Variants in PAPPA observed in about 807,000 individuals in gnomAD.
PAPPA encodes pappalysin 1, also known as pappalysin-1.
PAPPA carries 60 observed loss-of-function variants against 164.0 expected under a neutral mutation model. That is an observed-to-expected ratio of 0.37 (90% CI 0.30 to 0.45). The LOEUF (loss-of-function observed/expected upper bound fraction) is 0.45. Ranked by LOEUF, PAPPA falls within the 20% of genes least tolerant of loss-of-function variation. The pLI is 1.00. For missense variants in PAPPA, 1,782 were observed against 2,087.3 expected (o/e 0.85, Z 2.85); for synonymous variants, 875 against 814.1 (o/e 1.07, Z -1.27).
At chr9:116,370,372 AAGAGAAGGTGAAG>A in intron 19 of PAPPA, among the ~76,000 whole-genome samples, 1 of 152,208 alleles carries the variant, frequency 6.6e-6, no homozygotes, top group East Asian at 1.9e-4. Flanking sequence ...CCACTTGCCT[AAGAGAAGGTGAAG>A]AGAGACCCAG....
intron 7 of PAPPA, among the ~76,000 whole-genome samples, chr9:116,258,205 C>A (rs976347042): frequency 6.6e-6 from 1 of 152,042 alleles, no homozygotes; most frequent in Non-Finnish European, 1.5e-5. Context: ...TCCCAACAGG[C>A]ATTTGTAAGG....
intron 1 of PAPPA, among the ~76,000 whole-genome samples, chr9:116,185,404 C>T (rs568097084): frequency 2.0e-5 from 3 of 152,278 alleles, no homozygotes; most frequent in African/African-American, 7.2e-5. Flanking sequence ...ATTCTAAGCT[C>T]CCACTGCCCA....
Position 116,235,431 on chromosome 9 carries a change from A to T in PAPPA, c.2526A>T (p.Arg842Ser). The T allele has an allele frequency of 6.2e-7, 1 of 1,613,514 alleles. No homozygotes were observed. Among genetic ancestry groups the T allele is most frequent in the South Asian group, 1.1e-5 (1 of 91,018 alleles). Residue 842 changes from arginine to serine, a missense_variant, in exon 7 of 22, where the codon AGA (arginine) becomes AGT (serine). Arg to Ser is a moderately radical substitution (Grantham distance 110). Transcript: ENST00000328252. ...TCTGTGATGTCCCACTGACCATCAG[A>T]CTCTGGGACGTGGGCGAGGAGGTGT... ...NVFCDVPLTI[R>S]LWDVGEEVYG...
chr9:116,320,313 G>C (rs1378892135), intron 10 of PAPPA, among the ~76,000 whole-genome samples: 2 of 152,168 alleles, frequency 1.3e-5, no homozygotes. Flanking sequence ...AATGTGTTAG[G>C]GACAGATCCC....
chr9:116,263,093 G>A (rs528872135), intron 7 of PAPPA, among the ~76,000 whole-genome samples: 1 of 152,192 alleles, frequency 6.6e-6, no homozygotes, highest in East Asian at 1.9e-4. Context: ...CTGAAAACTT[G>A]GGATAACAAC....
At chr9:116,373,294 C>A (rs141299677) in intron 19 of PAPPA, 2 of 152,076 alleles carry the variant, frequency 1.3e-5, no homozygotes, top group African/African-American at 4.8e-5. Context: ...CAATAAACAT[C>A]GACTATGCAC....
At chr9:116,307,610 A>G (rs1227570433) in intron 10 of PAPPA, among the ~76,000 whole-genome samples, 1 of 152,180 alleles carries the variant, frequency 6.6e-6, no homozygotes, top group African/African-American at 2.4e-5. Flanking sequence ...AAGAAAAATA[A>G]AAATAAAATA....
intron 8 of PAPPA, 149 bp downstream of exon 8, chr9:116,266,134 C>A: frequency 1.6e-6 from 1 of 611,102 alleles, no homozygotes; most frequent in Non-Finnish European, 2.7e-6. Flanking sequence ...GATTGGTCTC[C>A]AAACAATTTG....
At chr9:116,237,837 A>G (rs923318025) in intron 7 of PAPPA, among the ~76,000 whole-genome samples, 2 of 151,854 alleles carry the variant, frequency 1.3e-5, no homozygotes, top group African/African-American at 4.8e-5. Flanking sequence ...CTCCTGCCTC[A>G]GCCTCCTGAG....
Position 116,353,630 on chromosome 9 carries a change from T to G in PAPPA, c.4184T>G (p.Phe1395Cys). 2 of 1,613,884 alleles carry G rather than the reference T, an allele frequency of 1.2e-6. No homozygotes were observed. The highest frequency in any genetic ancestry group is 1.7e-6 in the Non-Finnish European group (2 of 1,179,904). ...GSSRKSKKRA[F>C]KTQCTQDGSW... Reference sequence around the variant, plus strand: ...TGATCCTTTCCTTGAAGACGGGCCTTCAAGACTCAGTGTACCCAGGATGGC... The same window carrying G: ...TGATCCTTTCCTTGAAGACGGGCCTGCAAGACTCAGTGTACCCAGGATGGC... Residue 1395 changes from phenylalanine to cysteine, a missense_variant, in exon 17 of 22, where the codon TTC becomes TGC. Physicochemically the swap from Phe to Cys is radical, Grantham distance 205. Around this residue, in one of 2 missense-constraint regions of PAPPA, gnomAD observed 1,324 missense variants for 1,656.9 expected, o/e 0.80. Transcript: ENST00000328252.
intron 5 of PAPPA, 74 bp from the exon 6 acceptor site, chr9:116,227,357 T>C (rs1844526050): frequency 6.6e-7 from 1 of 1,523,748 alleles, no homozygotes; most frequent in Admixed American, 1.7e-5. Flanking sequence ...CCATTGACTC[T>C]GGCCTAGTCC....
intron 2 of PAPPA, among the ~76,000 whole-genome samples, chr9:116,199,430 AT>A (rs1409663999): frequency 1.1e-4 from 17 of 152,084 alleles, no homozygotes; most frequent in Admixed American, 1.1e-3. Flanking sequence ...TCAGCATCAG[AT>A]TTTTCCCCAT....
At chr9:116,344,471 C>T in intron 13 of PAPPA, 72 bp from the exon 14 acceptor site, 1 of 1,470,932 alleles carries the variant, frequency 6.8e-7, no homozygotes, top group Non-Finnish European at 9.3e-7. Context: ...AGGCTCTTAG[C>T]CTTTATCTTC....
chr9:116,249,576 G>T (rs906805530), intron 7 of PAPPA, among the ~76,000 whole-genome samples: 79 of 152,266 alleles, frequency 5.2e-4, no homozygotes, highest in African/African-American at 1.9e-3. Flanking sequence ...TGGAGGCATA[G>T]ATCAAAATGG....
chr9:116,227,447 T>A lies in PAPPA; in HGVS notation c.2128T>A (p.Cys710Ser). 1 of 1,614,070 alleles carries A rather than the reference T, an allele frequency of 6.2e-7. No individual in the cohort carries two copies. The highest frequency in any genetic ancestry group is 8.5e-7 in the Non-Finnish European group (1 of 1,179,960). Reference protein sequence around the residue: ...HFFERELGSACHLCLEGRILV... With the variant: ...HFFERELGSASHLCLEGRILV... ...GCCTCCTAGAGAATTGGGATCAGCATGTCATCTTTGCCTGGAAGGGAGAAT... is the reference window on the plus strand; with the variant it reads ...GCCTCCTAGAGAATTGGGATCAGCAAGTCATCTTTGCCTGGAAGGGAGAAT... Residue 710 changes from cysteine to serine, a missense_variant, in exon 6 of 22, where the codon TGT becomes AGT. This residue lies in a region of PAPPA where 1,324 missense variants were observed against 1,656.9 expected (regional missense o/e 0.80). Coordinates refer to ENST00000328252, the MANE Select transcript of PAPPA (RefSeq NM_002581.5).
intron 20 of PAPPA, among the ~76,000 whole-genome samples, chr9:116,381,325 A>G (rs981361370): frequency 1.3e-5 from 2 of 152,236 alleles, no homozygotes; most frequent in African/African-American, 4.8e-5. Flanking sequence ...AAACATTATT[A>G]AGAGCCAAAG....
At chr9:116,289,312 TG>T (rs1845398866) in intron 9 of PAPPA, among the ~76,000 whole-genome samples, 1 of 144,666 alleles carries the variant, frequency 6.9e-6, no homozygotes, top group Non-Finnish European at 1.5e-5. Flanking sequence ...AGCATATATA[TG>T]GCATATATAT....
chr9:116,226,188 C>T (rs758446554), intron 5 of PAPPA, among the ~76,000 whole-genome samples: 1 of 152,118 alleles, frequency 6.6e-6, no homozygotes, highest in Non-Finnish European at 1.5e-5. Context: ...TATGAAAGAG[C>T]ATTGAATACC....
chr9:116,347,229 C>T lies in PAPPA; in HGVS notation c.3964+20C>T, dbSNP rs751871699. 3.2e-6 allele frequency: 5 copies of T among 1,586,386 alleles called. No individual in the cohort carries two copies. The highest frequency in any genetic ancestry group is 1.7e-4 in the Middle Eastern group (1 of 5,888). On this transcript the variant is annotated intron_variant, in intron 15 of 21. Transcript: ENST00000328252. This position sits in a 1 kb window ranked among gnomAD's most constrained non-coding sequence, Gnocchi z 4.5. ...TGAAAGGTATCAAGAACGCCTTCCC[C>T]AGCTCAGCCTTCCTTTGTCTATGGG...
Sources: gnomAD v4.1 joint callset for allele counts (sites outside exome capture counted in the v4.1 genomes callset) on GRCh38, gnomAD v4.1.1 for gene constraint, gnomAD v4.1.1 regional missense constraint, Gnocchi (gnomAD v3.1) non-coding constraint, MANE v1.5 for transcripts, NCBI Gene and HGNC (gene_info 2026-07-23, HGNC 2026-07-21) for gene names.